Variants in RBMS3 observed in about 807,000 individuals in gnomAD.
The protein encoded by RBMS3 is RNA-binding motif, single-stranded-interacting protein 3.
In RBMS3, 27 loss-of-function variants were observed where a neutral mutation model predicts 66.8. That is an observed-to-expected ratio of 0.40 (90% CI 0.30 to 0.56). The LOEUF (loss-of-function observed/expected upper bound fraction) is 0.56, where lower values mean the gene tolerates loss of function less well. RBMS3 is among the 20% of genes least tolerant of loss of function. The pLI is 0.40. For synonymous variants in RBMS3, 188 were observed against 183.0 expected (o/e 1.03, Z -0.22); for missense variants, 513 against 549.5 (o/e 0.93, Z 0.66).
intron 2 of RBMS3, among the ~76,000 whole-genome samples, chr3:29,471,187 A>G (rs549204329): frequency 6.6e-6 from 1 of 152,316 alleles, no homozygotes; most frequent in South Asian, 2.1e-4. Flanking sequence ...AGTTATAACT[A>G]ATTTACATGT....
chr3:29,565,185 T>G (rs555144885), intron 3 of RBMS3, among the ~76,000 whole-genome samples: 1 of 152,316 alleles, frequency 6.6e-6, no homozygotes, highest in Admixed American at 6.5e-5. Context: ...TTAAATTATG[T>G]TCCAAACGTT....
chr3:29,713,254 T>A (rs1245429061), intron 4 of RBMS3, among the ~76,000 whole-genome samples: 1 of 152,066 alleles, frequency 6.6e-6, no homozygotes, highest in Non-Finnish European at 1.5e-5. Context: ...ATTTTCACCC[T>A]CTCTTTGTTC....
chr3:29,607,518 C>T (rs1039798947), intron 4 of RBMS3, among the ~76,000 whole-genome samples: 3 of 151,782 alleles, frequency 2.0e-5, no homozygotes, highest in Non-Finnish European at 2.9e-5. Context: ...CCCAAAAGGC[C>T]CCACCACCCA....
chr3:29,987,296 A>C (rs1227879837), intron 12 of RBMS3, among the ~76,000 whole-genome samples: 1 of 152,196 alleles, frequency 6.6e-6, no homozygotes, highest in Non-Finnish European at 1.5e-5. Context: ...TGAAGAGTAG[A>C]ACTTTGAAGG....
intron 4 of RBMS3, among the ~76,000 whole-genome samples, chr3:29,666,898 C>T (rs1000284749): frequency 1.3e-5 from 2 of 152,106 alleles, no homozygotes; most frequent in Admixed American, 6.6e-5. Context: ...CAATCATTTA[C>T]GTAGCACCTA....
chr3:29,486,905 T>C (rs1247297735), intron 2 of RBMS3, among the ~76,000 whole-genome samples: 1 of 152,184 alleles, frequency 6.6e-6, no homozygotes, highest in African/African-American at 2.4e-5. Context: ...GTAAGATAGT[T>C]ATACCTGATC....
chr3:29,929,029 T>A (rs1175409408), intron 10 of RBMS3, among the ~76,000 whole-genome samples: 1 of 152,188 alleles, frequency 6.6e-6, no homozygotes, highest in East Asian at 1.9e-4. Context: ...ACTCAGCAGT[T>A]ATGATCTCCT....
At chr3:29,838,024 C>G (rs2058568869) in intron 6 of RBMS3, among the ~76,000 whole-genome samples, 2 of 150,942 alleles carry the variant, frequency 1.3e-5, no homozygotes, top group African/African-American at 4.9e-5. Context: ...CTGAAATAGG[C>G]CACTTAAAAA....
At chr3:29,345,244 C>T (rs1467561206) in intron 1 of RBMS3, among the ~76,000 whole-genome samples, 3 of 152,130 alleles carry the variant, frequency 2.0e-5, no homozygotes, top group African/African-American at 7.2e-5. Flanking sequence ...ATGAATTCTA[C>T]CTGATAGTCT....
chr3:29,283,119 T>C (rs1233602850), intron 1 of RBMS3, among the ~76,000 whole-genome samples: 1 of 152,078 alleles, frequency 6.6e-6, no homozygotes, highest in African/African-American at 2.4e-5. Flanking sequence ...CTCAAGGAAA[T>C]GGCAGAGCAA....
At chr3:29,495,453 T>C in intron 3 of RBMS3, among the ~76,000 whole-genome samples, 1 of 149,250 alleles carries the variant, frequency 6.7e-6, no homozygotes, top group Admixed American at 6.7e-5. Context: ...CATAGTCTTC[T>C]TCTGTCACCC....
chr3:29,783,557 G>T (rs190373915), intron 6 of RBMS3, among the ~76,000 whole-genome samples: 25 of 152,064 alleles, frequency 1.6e-4, no homozygotes, highest in African/African-American at 6.0e-4. Context: ...TCTAAATCTT[G>T]AAATAAACCC....
intron 4 of RBMS3, among the ~76,000 whole-genome samples, chr3:29,722,252 C>T (rs11718961): frequency 0.22 from 33,108 of 151,556 alleles, 4,449 homozygotes; most frequent in African/African-American, 0.37. Context: ...GCAAAAATAC[C>T]ATAATACTTT....
chr3:29,909,082 T>C (rs771324151), intron 10 of RBMS3, among the ~76,000 whole-genome samples: 10 of 152,092 alleles, frequency 6.6e-5, no homozygotes, highest in Admixed American at 1.3e-4. Context: ...GAGTCTCAAG[T>C]TATTTCAAAG....
At chr3:29,554,648 A>C (rs921134944) in intron 3 of RBMS3, among the ~76,000 whole-genome samples, 1 of 152,204 alleles carries the variant, frequency 6.6e-6, no homozygotes, top group African/African-American at 2.4e-5. Flanking sequence ...GCTTTTCAGG[A>C]TGTGTAAAAT....
intron 1 of RBMS3, among the ~76,000 whole-genome samples, chr3:29,361,931 T>C (rs2037616673): frequency 6.6e-6 from 1 of 152,222 alleles, no homozygotes; most frequent in Non-Finnish European, 1.5e-5. Flanking sequence ...GCATTGGTTA[T>C]TCTAGTTAGC....
intron 3 of RBMS3, among the ~76,000 whole-genome samples, chr3:29,510,454 T>C (rs2044351466): frequency 6.6e-6 from 1 of 152,214 alleles, no homozygotes. Context: ...CCTGCCTAGG[T>C]TAGCTCTTGG....
intron 1 of RBMS3, among the ~76,000 whole-genome samples, chr3:29,313,289 A>G (rs930010074): frequency 2.0e-5 from 3 of 151,704 alleles, no homozygotes; most frequent in Non-Finnish European, 4.4e-5. Flanking sequence ...GAAACATGTA[A>G]AAGTCCTTGC....
At chr3:29,939,723 A>G (rs1270520987) in intron 11 of RBMS3, among the ~76,000 whole-genome samples, 1 of 151,764 alleles carries the variant, frequency 6.6e-6, no homozygotes, top group Non-Finnish European at 1.5e-5. Context: ...TTTTTAACAT[A>G]CTTATGCCAC....
Sources: allele counts gnomAD v4.1 joint callset (sites outside exome capture counted in the v4.1 genomes callset), GRCh38; gene constraint gnomAD v4.1.1; transcripts MANE v1.5; gene names NCBI Gene and HGNC (gene_info 2026-07-23, HGNC 2026-07-21).